The following ADARB2 variants were observed in gnomAD, a reference collection of about 807,000 sequenced individuals.
ADARB2 encodes adenosine deaminase RNA specific B2 (inactive).
A neutral mutation model predicts 62.2 loss-of-function variants in ADARB2; 25 were observed. The observed-to-expected ratio is 0.40, with a 90% CI of 0.29 to 0.56. The LOEUF (loss-of-function observed/expected upper bound fraction) is 0.56, where lower values mean the gene tolerates loss of function less well. Ranked by LOEUF, ADARB2 falls within the 20% of genes least tolerant of loss-of-function variation. The probability of loss-of-function intolerance (pLI) is 0.43; values close to 1 mark genes in which losing one functional copy is unlikely to be tolerated. For synonymous variants in ADARB2, 572 were observed against 500.8 expected (o/e 1.14, Z -1.90); for missense variants, 1,071 against 1,077.4 (o/e 0.99, Z 0.08).
At chr10:1,595,939 C>T (rs1833328565) in intron 1 of ADARB2, among the ~76,000 whole-genome samples, 1 of 152,220 alleles carries the variant, frequency 6.6e-6, no homozygotes, top group South Asian at 2.1e-4. Context: ...CTCGCTCATG[C>T]CTTCTGCACT....
intron 1 of ADARB2, among the ~76,000 whole-genome samples, chr10:1,388,467 A>C (rs1832542318): frequency 6.6e-6 from 1 of 152,160 alleles, no homozygotes; most frequent in African/African-American, 2.4e-5. Context: ...TATATGTAGA[A>C]ATTCCTAAGG....
intron 3 of ADARB2, among the ~76,000 whole-genome samples, chr10:1,283,216 T>C (rs2804102): frequency 0.55 from 83,876 of 152,060 alleles, 23,433 homozygotes; most frequent in South Asian, 0.77. Flanking sequence ...CATACATGTG[T>C]AATATACCAC....
In ADARB2 at chr10:1,593,627, A is replaced by T. The variant is rs370751659; in HGVS notation, c.100+143424T>A. On this transcript the variant is annotated intron_variant, in intron 1 of 9. Coordinates refer to ENST00000381312, the MANE Select transcript of ADARB2 (RefSeq NM_018702.4). ...GGCTTAAAGAAGCAGAGAGTTCTGT[A>T]GTCTCAAGAGTTTAGAAAAGTCTTC... Among the ~76,000 whole-genome samples the T allele has an allele frequency of 2.5e-3, 377 of 152,384 alleles. 4 individuals are homozygous for T. The highest frequency in any genetic ancestry group is 0.024 in the South Asian group (117 of 4,830).
chr10:1,663,116 A>G (rs1333525753), intron 1 of ADARB2, among the ~76,000 whole-genome samples: 1 of 152,240 alleles, frequency 6.6e-6, no homozygotes, highest in African/African-American at 2.4e-5. Context: ...ATAGTGTGCA[A>G]TTAAAGTATT....
intron 3 of ADARB2, among the ~76,000 whole-genome samples, chr10:1,281,542 C>T (rs181136674): frequency 9.2e-5 from 14 of 152,352 alleles, no homozygotes; most frequent in East Asian, 5.8e-4. Context: ...GTCCAGCTCT[C>T]GTGCAAGTCC....
At chr10:1,210,712 G>A (rs116921405) in intron 7 of ADARB2, among the ~76,000 whole-genome samples, 153 of 152,320 alleles carry the variant, frequency 1.0e-3, no homozygotes, top group Non-Finnish European at 1.8e-3. Flanking sequence ...TGCAGTGAGC[G>A]GTTCCTGGAT....
chr10:1,242,394 G>GGT, intron 4 of ADARB2, 95 bp from the exon 5 acceptor site: 2 of 1,406,298 alleles, frequency 1.4e-6, no homozygotes, highest in Non-Finnish European at 1.9e-6. Context: ...GGTTTCCCTG[G>GGT]GTTAGGAAAC....
chr10:1,725,755 G>A (rs1835155898), intron 1 of ADARB2, among the ~76,000 whole-genome samples: 1 of 152,218 alleles, frequency 6.6e-6, no homozygotes, highest in African/African-American at 2.4e-5. Context: ...TGACAAGAAC[G>A]CTGACACAAG....
intron 4 of ADARB2, among the ~76,000 whole-genome samples, chr10:1,262,091 A>G (rs1288717577): frequency 1.5e-5 from 2 of 134,684 alleles, no homozygotes; most frequent in Non-Finnish European, 3.0e-5. Context: ...GAATTGAACA[A>G]TGAGATCCCA....
chr10:1,399,301 C>T (rs549439481), intron 1 of ADARB2, among the ~76,000 whole-genome samples: 272 of 152,246 alleles, frequency 1.8e-3, no homozygotes, highest in Non-Finnish European at 3.2e-3. Flanking sequence ...GAAATCTTTG[C>T]GATGATATGA....
chr10:1,585,750 T>C (rs2132003876), intron 1 of ADARB2, among the ~76,000 whole-genome samples: 1 of 152,306 alleles, frequency 6.6e-6, no homozygotes, highest in African/African-American at 2.4e-5. Flanking sequence ...AAAACCAAAC[T>C]GTGTCTGGGT....
intron 1 of ADARB2, among the ~76,000 whole-genome samples, chr10:1,612,836 G>A (rs1833588596): frequency 1.3e-5 from 2 of 152,216 alleles, no homozygotes; most frequent in Non-Finnish European, 2.9e-5. Flanking sequence ...CTCTTGCTCT[G>A]CAAAACCTAA....
intron 1 of ADARB2, among the ~76,000 whole-genome samples, chr10:1,384,725 G>C (rs182243866): frequency 6.6e-6 from 1 of 152,294 alleles, no homozygotes; most frequent in East Asian, 1.9e-4. Context: ...GATAAGTTGA[G>C]AAGGCAAAAA....
At chr10:1,248,165 C>T (rs1018622486) in intron 4 of ADARB2, among the ~76,000 whole-genome samples, 2 of 152,204 alleles carry the variant, frequency 1.3e-5, no homozygotes, top group African/African-American at 4.8e-5. Context: ...CCGTCTCCAG[C>T]TGACCAAACA....
chr10:1,620,220 C>T (rs1243045117), intron 1 of ADARB2, among the ~76,000 whole-genome samples: 3 of 151,914 alleles, frequency 2.0e-5, no homozygotes, highest in African/African-American at 7.2e-5. Flanking sequence ...AAAAAATCAA[C>T]AAATTGACAT....
chr10:1,521,418 T>C (rs1832072747), intron 1 of ADARB2, among the ~76,000 whole-genome samples: 1 of 152,116 alleles, frequency 6.6e-6, no homozygotes, highest in Non-Finnish European at 1.5e-5. Flanking sequence ...AAAAATAACA[T>C]TCTAAGGCCC....
chr10:1,606,319 C>CGG (rs537869047), intron 1 of ADARB2, among the ~76,000 whole-genome samples: 1 of 151,598 alleles, frequency 6.6e-6, no homozygotes, highest in Admixed American at 6.6e-5. Context: ...GAAACCTGAG[C>CGG]GGGGGGGAGC....
intron 1 of ADARB2, chr10:1,534,852 C>G (rs376763074): frequency 6.7e-5 from 8 of 119,470 alleles, no homozygotes; most frequent in African/African-American, 2.7e-4. Flanking sequence ...ACTCCCCAGA[C>G]AGGCCCTGAC....
chr10:1,425,199 A>C (rs1832884411), intron 1 of ADARB2, among the ~76,000 whole-genome samples: 1 of 152,200 alleles, frequency 6.6e-6, no homozygotes, highest in African/African-American at 2.4e-5. Flanking sequence ...CTACGGTTTC[A>C]GGAACAAGAA....
Sources: allele counts gnomAD v4.1 joint callset (sites outside exome capture counted in the v4.1 genomes callset), GRCh38; gene constraint gnomAD v4.1.1; transcripts MANE v1.5; gene names NCBI Gene and HGNC (gene_info 2026-07-23, HGNC 2026-07-21).